Variants in EPHA3 observed in about 807,000 individuals in gnomAD.
EPHA3 encodes ephrin type-A receptor 3.
EPHA3 carries 42 observed loss-of-function variants against 107.1 expected under a neutral mutation model. That is an observed-to-expected ratio of 0.39 (90% CI 0.31 to 0.51). The LOEUF is 0.51. EPHA3 is among the 20% of genes least tolerant of loss of function. EPHA3 has a pLI of 0.78. For missense variants in EPHA3, 1,183 were observed against 1,211.2 expected, an observed-to-expected ratio of 0.98 and a Z score of 0.35; for synonymous variants, 461 against 424.8, an observed-to-expected ratio of 1.09 and a Z score of -1.05.
At position 89,429,111 on chromosome 3, in the gene EPHA3, C is replaced by G; in HGVS notation, c.2080C>G (p.Pro694Ala). 6.2e-7 allele frequency: 1 copy of G among 1,607,460 alleles called. No homozygotes were observed. The highest frequency in any genetic ancestry group is 8.5e-7 in the Non-Finnish European group (1 of 1,174,858). ...ATTATTTACTGTATATCTAGGTAAGCCAGTTATGATTGTCACAGAATACAT... is the reference window on the plus strand; with the variant it reads ...ATTATTTACTGTATATCTAGGTAAGGCAGTTATGATTGTCACAGAATACAT... ...RLEGVVTKSK[P>A]VMIVTEYMEN... Residue 694 changes from proline (P) to alanine (A), a missense_variant, in exon 12 of 17, where the codon CCA (proline) becomes GCA (alanine). Pro to Ala is a conservative substitution (Grantham distance 27). Transcript: ENST00000336596.
At chr3:89,193,442 C>A (rs965138053) in intron 2 of EPHA3, among the ~76,000 whole-genome samples, 1 of 152,124 alleles carries the variant, frequency 6.6e-6, no homozygotes, top group African/African-American at 2.4e-5. Flanking sequence ...CATCCTTGAT[C>A]ATTTTGATGT....
In EPHA3 at chr3:89,178,434, A is replaced by G. The variant is rs75707231; in HGVS notation, c.154-31426A>G. Among the ~76,000 whole-genome samples, 1,912 of 152,208 alleles carry G rather than the reference A, an allele frequency of 0.013. 46 individuals are homozygous for G. In the East Asian group the frequency reaches 0.13, roughly 10 times the overall value. ...TATTGTTGAGGAAGGAATTAGAAAT[A>G]GGAGTCTGGCTGTGGAGTTATATGT... is the stretch of plus-strand genomic sequence containing the variant. On this transcript the variant is annotated intron_variant, in intron 2 of 16. Transcript: ENST00000336596.
At chr3:89,368,502 G>T (rs1708226530) in intron 5 of EPHA3, among the ~76,000 whole-genome samples, 1 of 150,412 alleles carries the variant, frequency 6.6e-6, no homozygotes, top group African/African-American at 2.4e-5. Flanking sequence ...GAGGCCAAAG[G>T]CTTATGAACC....
chr3:89,429,708 A>G (rs969772688), intron 12 of EPHA3, among the ~76,000 whole-genome samples: 2 of 148,076 alleles, frequency 1.4e-5, no homozygotes, highest in Admixed American at 1.4e-4. Flanking sequence ...CTATCTATCT[A>G]TCTATCTATC....
chr3:89,229,901 A>C (rs1431610234), intron 3 of EPHA3, among the ~76,000 whole-genome samples: 1 of 152,044 alleles, frequency 6.6e-6, no homozygotes, highest in Non-Finnish European at 1.5e-5. Context: ...CATTGGGTGC[A>C]TTTAGGAATA....
chr3:89,430,663 T>C (rs1709547661), intron 12 of EPHA3, among the ~76,000 whole-genome samples: 3 of 152,156 alleles, frequency 2.0e-5, no homozygotes, highest in Non-Finnish European at 4.4e-5. Context: ...AAATATCCAA[T>C]AAATATTTTT....
At chr3:89,460,074 A>G (rs981170994) in intron 15 of EPHA3, among the ~76,000 whole-genome samples, 2 of 152,070 alleles carry the variant, frequency 1.3e-5, no homozygotes, top group Non-Finnish European at 2.9e-5. Context: ...AAAAATGAGA[A>G]TGTGTTTCTA....
At chr3:89,329,578 T>G (rs973281196) in intron 3 of EPHA3, among the ~76,000 whole-genome samples, 1 of 152,134 alleles carries the variant, frequency 6.6e-6, no homozygotes, top group African/African-American at 2.4e-5. Context: ...TAAATGGATT[T>G]AATCATTGTA....
chr3:89,370,593 C>A (rs906511820), intron 5 of EPHA3, among the ~76,000 whole-genome samples: 3 of 151,510 alleles, frequency 2.0e-5, no homozygotes, highest in Admixed American at 1.3e-4. Context: ...ACCAGCATGG[C>A]ACATGTATAC....
chr3:89,322,702 C>T lies in EPHA3; in HGVS notation c.815-18214C>T, dbSNP rs1409965099. On this transcript the variant is annotated intron_variant, in intron 3 of 16. Transcript: ENST00000336596. ...AAAAAAGCAAAGCAGCTTTGAGCTA[C>T]AAAGTCAAAGGTAATCATTTCAATT... Among the ~76,000 whole-genome samples the T allele has an allele frequency of 2.0e-5, 3 of 152,032 alleles. No individual in the cohort carries two copies. In the East Asian group the frequency reaches 5.8e-4, roughly 29 times the overall value.
chr3:89,360,227 GT>G (rs1456877750), intron 5 of EPHA3, among the ~76,000 whole-genome samples: 2 of 150,138 alleles, frequency 1.3e-5, no homozygotes, highest in Non-Finnish European at 3.0e-5. Flanking sequence ...TTTTGGTTTT[GT>G]TTTGCTCTGA....
At chr3:89,124,805 T>C (rs1011221153) in intron 1 of EPHA3, among the ~76,000 whole-genome samples, 1 of 152,016 alleles carries the variant, frequency 6.6e-6, no homozygotes, top group African/African-American at 2.4e-5. Flanking sequence ...ATTGTGTTTT[T>C]CTCATTTATG....
At chr3:89,412,510 A>G (rs1709174656) in intron 9 of EPHA3, among the ~76,000 whole-genome samples, 1 of 151,556 alleles carries the variant, frequency 6.6e-6, no homozygotes, top group Non-Finnish European at 1.5e-5. Context: ...GTATACATGT[A>G]TGTATTATAT....
chr3:89,242,758 T>A (rs1704933819), intron 3 of EPHA3, among the ~76,000 whole-genome samples: 1 of 139,710 alleles, frequency 7.2e-6, no homozygotes, highest in South Asian at 2.1e-4. Context: ...TTCTTTCTTT[T>A]ATTTTTTTAT....
chr3:89,129,340 G>T (rs560081430), intron 2 of EPHA3, among the ~76,000 whole-genome samples: 42 of 152,130 alleles, frequency 2.8e-4, no homozygotes, highest in African/African-American at 9.9e-4. Context: ...TATTTCTGAT[G>T]CATAAAATAG....
At chr3:89,112,751 A>G (rs1707143545) in intron 1 of EPHA3, among the ~76,000 whole-genome samples, 1 of 151,936 alleles carries the variant, frequency 6.6e-6, no homozygotes, top group Non-Finnish European at 1.5e-5. Context: ...GGTTTTATAG[A>G]CATTTACTAA....
At position 89,413,149 on chromosome 3, in the gene EPHA3, C is replaced by T; in HGVS notation, c.1771C>T (p.Pro591Ser). ...TTTCTTTCCTCAAACAGTAAAACTT[C>T]CAGGTCTCAGGACTTATGTTGACCC... The part of the protein sequence containing the change: ...LHFGNGHLKL[P>S]GLRTYVDPHT... The change falls in exon 10 of 17, where the codon CCA (proline) becomes TCA (serine). Residue 591 changes from proline (P) to serine (S), a missense_variant. Coordinates refer to ENST00000336596, the MANE Select transcript of EPHA3 (RefSeq NM_005233.6). 2 of 1,610,988 alleles carry T rather than the reference C, an allele frequency of 1.2e-6. No homozygotes were observed. Among genetic ancestry groups the T allele is most frequent in the Non-Finnish European group, 1.7e-6 (2 of 1,177,958 alleles).
intron 3 of EPHA3, among the ~76,000 whole-genome samples, chr3:89,214,705 G>A (rs1559604270): frequency 1.3e-5 from 2 of 151,722 alleles, no homozygotes; most frequent in South Asian, 4.2e-4. Context: ...CAGCAGTCAC[G>A]CTTGATTTTT....
intron 2 of EPHA3, among the ~76,000 whole-genome samples, chr3:89,175,533 G>A (rs1705303212): frequency 6.6e-6 from 1 of 151,986 alleles, no homozygotes; most frequent in Non-Finnish European, 1.5e-5. Flanking sequence ...AGTTTATTTT[G>A]AACCTTGTTG....
Sources: allele counts gnomAD v4.1 joint callset (sites outside exome capture counted in the v4.1 genomes callset), GRCh38; gene constraint gnomAD v4.1.1; transcripts MANE v1.5; gene names NCBI Gene and HGNC (gene_info 2026-07-23, HGNC 2026-07-21).